Variants in JPH2 observed in about 807,000 individuals in gnomAD.
The protein encoded by JPH2 is junctophilin-2.
A neutral mutation model predicts 55.9 loss-of-function variants in JPH2; 38 were observed. The ratio of observed to expected loss-of-function variants is 0.68; its 90% CI spans 0.52 to 0.89. JPH2 has a LOEUF of 0.89. Among genes scored for constraint, JPH2 ranks in the 40% least tolerant of loss-of-function variants. JPH2 has a pLI of 0.00. For missense variants in JPH2, 964 were observed against 1,037.6 expected (o/e 0.93, Z 0.97); for synonymous variants, 480 against 472.4 (o/e 1.02, Z -0.21).
At chr20:44,172,282 G>A (rs1191702490) in intron 1 of JPH2, among the ~76,000 whole-genome samples, 1 of 152,118 alleles carries the variant, frequency 6.6e-6, no homozygotes, top group African/African-American at 2.4e-5. Flanking sequence ...GAAGGAAAAA[G>A]GGGCATTTCA....
chr20:44,124,959 A>G (rs963980688), intron 2 of JPH2, among the ~76,000 whole-genome samples: 1 of 151,032 alleles, frequency 6.6e-6, no homozygotes, highest in Admixed American at 6.6e-5. Context: ...AAATACAAAA[A>G]TCAGCTGGGC....
At position 44,160,136 on chromosome 20, in the gene JPH2, G is replaced by C; in HGVS notation, c.651C>G (p.Gly217=). The change falls in exon 2 of 6, where the codon GGC becomes GGG. Residue 217 remains glycine, a synonymous_variant. Transcript: ENST00000372980. This position sits in a 1 kb window ranked among gnomAD's most constrained non-coding sequence, Gnocchi z 4.9. ...NAEAAARAPK[G]GGLFQRGALL... ...GCGCGCCCCGCTGGAAGAGGCCGCCGCCCTTGGGCGCCCGCGCGGCCGCCT... is the reference window on the plus strand; with the variant it reads ...GCGCGCCCCGCTGGAAGAGGCCGCCCCCCTTGGGCGCCCGCGCGGCCGCCT... 1 of 1,450,606 alleles carries C rather than the reference G, an allele frequency of 6.9e-7. No individual in the cohort carries two copies. 89.9% of individuals were successfully genotyped at this position (1,450,606 alleles called of 1,614,324 possible).
intron 2 of JPH2, among the ~76,000 whole-genome samples, chr20:44,152,513 C>CA (rs1478098521): frequency 1.3e-5 from 2 of 151,572 alleles, no homozygotes; most frequent in Admixed American, 6.6e-5. Flanking sequence ...CTGTTCTCCA[C>CA]AAAAAAGGGG....
chr20:44,134,709 A>G, intron 2 of JPH2, among the ~76,000 whole-genome samples: 1 of 49,230 alleles, frequency 2.0e-5, no homozygotes, highest in East Asian at 5.1e-4. Context: ...ACATTAATAT[A>G]TATTATAAAT....
rs2072852972 is a variant in JPH2, at chr20:44,186,945, C to T, written c.-240G>A. ...GACTCCACCAGCCAGAGCAAGGCTGCCTGCTGGAAAGAAAGCAGGAAGGAA... is the reference window on the plus strand; with the variant it reads ...GACTCCACCAGCCAGAGCAAGGCTGTCTGCTGGAAAGAAAGCAGGAAGGAA... On this transcript the variant is annotated 5_prime_UTR_variant, in exon 1 of 6. Transcript: ENST00000372980. The T allele has an allele frequency of 5.1e-6, 3 of 586,720 alleles. No homozygotes were observed. Among genetic ancestry groups the T allele is most frequent in the Middle Eastern group, 4.5e-4 (1 of 2,232 alleles). The allele number at this position is 586,720 out of a possible 1,614,324, so 36.3% of individuals were successfully genotyped here.
At position 44,160,176 on chromosome 20, in the gene JPH2, A is replaced by T. The variant is rs1369796322; in HGVS notation, c.611T>A (p.Leu204His). 10 of 1,408,436 alleles carry T rather than the reference A, an allele frequency of 7.1e-6. No individual in the cohort carries two copies. The East Asian group carries it at 3.0e-4, about 42-fold the overall frequency. The allele number at this position is 1,408,436 out of a possible 1,614,324, so 87.2% of individuals were successfully genotyped here. A position where few individuals can be genotyped will look rare whatever the true frequency, so the allele number is the denominator to read the frequency against. ...AIPRGGFALS[L>H]LANAEAAARA... ...CGCGGCCGCCTCGGCATTGGCCAGG[A>T]GGCTGAGCGCGAAGCCGCCACGCGG... Residue 204 changes from leucine (L) to histidine (H), a missense_variant, in exon 2 of 6, where the codon CTC becomes CAC. Transcript: ENST00000372980. This position sits in a 1 kb window ranked among gnomAD's most constrained non-coding sequence, Gnocchi z 4.9.
chr20:44,131,427 C>T (rs149146118), intron 2 of JPH2, among the ~76,000 whole-genome samples: 19 of 152,246 alleles, frequency 1.2e-4, no homozygotes, highest in African/African-American at 4.6e-4. Flanking sequence ...TACCCTGATA[C>T]CCGACCTGCA....
At position 44,116,094 on chromosome 20, in the gene JPH2, G is replaced by C. The variant is rs752533344; in HGVS notation, c.1581C>G (p.Ser527=). Residue 527 remains serine, a synonymous_variant, in exon 4 of 6, where the codon TCC becomes TCG. Transcript: ENST00000372980. ...SGEGSRSVTP[S]EGAGRRSPAR... ...CGGGGCTGCGGCGGCCCGCGCCCTC[G>C]GACGGAGTGACTGACCGGCTGCCCT... The C allele has an allele frequency of 1.9e-5, 28 of 1,503,238 alleles. No individual in the cohort carries two copies. The African/African-American group carries it at 3.6e-4, about 19-fold the overall frequency. 93.1% of individuals were successfully genotyped at this position (1,503,238 alleles called of 1,614,324 possible).
At chr20:44,174,059 A>G (rs1012821118) in intron 1 of JPH2, among the ~76,000 whole-genome samples, 1 of 152,214 alleles carries the variant, frequency 6.6e-6, no homozygotes. Flanking sequence ...GAGTAGCACT[A>G]TAGCCTACAG....
At chr20:44,180,908 A>T (rs934300649) in intron 1 of JPH2, among the ~76,000 whole-genome samples, 1 of 151,928 alleles carries the variant, frequency 6.6e-6, no homozygotes, top group African/African-American at 2.4e-5. Context: ...AGAGTCCGCG[A>T]GTGTCTCGGT....
At chr20:44,176,619 T>C (rs971604196) in intron 1 of JPH2, among the ~76,000 whole-genome samples, 10 of 151,928 alleles carry the variant, frequency 6.6e-5, no homozygotes, top group African/African-American at 2.4e-4. Flanking sequence ...CAGGGCAACA[T>C]GGAGAAACCC....
chr20:44,126,004 TG>T (rs1393627690), intron 2 of JPH2, among the ~76,000 whole-genome samples: 1 of 151,716 alleles, frequency 6.6e-6, no homozygotes, highest in African/African-American at 2.4e-5. Context: ...TGGTGGCTAA[TG>T]GACCCCGCTA....
intron 2 of JPH2, among the ~76,000 whole-genome samples, chr20:44,138,763 T>C (rs1050250089): frequency 6.6e-6 from 1 of 152,180 alleles, no homozygotes; most frequent in African/African-American, 2.4e-5. Context: ...CTTTTTCTTT[T>C]TTTTGGCTAA....
chr20:44,118,733 G>A, intron 2 of JPH2, 110 bp from the exon 3 acceptor site: 1 of 848,468 alleles, frequency 1.2e-6, no homozygotes, highest in Admixed American at 1.8e-5. Context: ...CTTTCACGCA[G>A]GCAGTCAATG....
At chr20:44,124,271 G>A (rs1297249751) in intron 2 of JPH2, among the ~76,000 whole-genome samples, 1 of 151,912 alleles carries the variant, frequency 6.6e-6, no homozygotes, top group African/African-American at 2.4e-5. Flanking sequence ...TCTCCACTAG[G>A]CATTGGTGGC....
chr20:44,118,432 T>C (rs1041749599), intron 3 of JPH2, 73 bp downstream of exon 3: 4 of 1,180,162 alleles, frequency 3.4e-6, no homozygotes, highest in East Asian at 4.7e-5. Flanking sequence ...GCATCTCAGA[T>C]TCCAGTAAGC....
rs1162849219 is a variant in JPH2, at chr20:44,134,168, TTTATTATAAATATATAA to T, written c.1170-15562_1170-15546del. Among the ~76,000 whole-genome samples, 2 of 31,436 alleles carry T rather than the reference TTTATTATAAATATATAA, an allele frequency of 6.4e-5. 1 individual carries two copies. The highest frequency in any genetic ancestry group is 1.0e-4 in the Non-Finnish European group (2 of 19,212). The allele number at this position is 31,436 out of a possible 152,430, so 20.6% of individuals were successfully genotyped here. A position where few individuals can be genotyped will look rare whatever the true frequency, so the allele number is the denominator to read the frequency against. Reference sequence around the variant, plus strand: ...AATATTTATTATAAATATATAAATATTTATTATAAATATATAAATATTTATTATAAATATATAAATAT... The same window carrying T: ...AATATTTATTATAAATATATAAATATATATTTATTATAAATATATAAATAT... On this transcript the variant is annotated intron_variant, in intron 2 of 5. Coordinates refer to ENST00000372980, the MANE Select transcript of JPH2 (RefSeq NM_020433.5).
chr20:44,144,654 C>G (rs2072481061), intron 2 of JPH2, among the ~76,000 whole-genome samples: 2 of 152,174 alleles, frequency 1.3e-5, no homozygotes, highest in Admixed American at 1.3e-4. Flanking sequence ...TTTCCCTCCC[C>G]ACCGTGGTGA....
chr20:44,177,304 C>T, intron 1 of JPH2: 1 of 986,020 alleles, frequency 1.0e-6, no homozygotes. Flanking sequence ...TGAGACTCGG[C>T]ATTCCTCATG....
Sources: gnomAD v4.1 joint callset for allele counts (sites outside exome capture counted in the v4.1 genomes callset) on GRCh38, gnomAD v4.1.1 for gene constraint, Gnocchi (gnomAD v3.1) non-coding constraint, MANE v1.5 for transcripts, NCBI Gene and HGNC (gene_info 2026-07-23, HGNC 2026-07-21) for gene names.